C2CD4D: variants seen among roughly 807,000 people sequenced by gnomAD.
C2CD4D encodes the protein C2 calcium dependent domain containing 4D, also known as C2 calcium-dependent domain-containing protein 4D.
Under a neutral mutation model 0.2 loss-of-function variants are expected in C2CD4D, and 1 was observed. The ratio of observed to expected loss-of-function variants is 4.00; its 90% confidence interval spans 1.42 to 18.99. The LOEUF is 18.99. Ranked by LOEUF, C2CD4D falls within the 30% of genes most tolerant of loss-of-function variation. C2CD4D has a pLI of 0.11. For synonymous variants in C2CD4D, 269 were observed against 279.8 expected (o/e 0.96, Z 0.39); for missense variants, 552 against 551.2 (o/e 1.00, Z -0.01).
intron 1 of C2CD4D, among the ~76,000 whole-genome samples, 108 bp downstream of exon 1, chr1:151,839,556 C>T (rs10888439): frequency 0.24 from 35,977 of 152,102 alleles, 5,375 homozygotes; most frequent in Middle Eastern, 0.43. Context: ...CCAGGCTGCC[C>T]CGGCTCAAGC....
chr1:151,838,442 G>C (rs975389352), exon 2 of C2CD4D: 14 of 1,415,018 alleles, frequency 9.9e-6, no homozygotes, highest in African/African-American at 3.0e-5. Context: ...GCGGCGCGGC[G>C]AGTGCGGGCT....
At chr1:151,838,858 G>A in exon 2 of C2CD4D, 1 of 1,536,474 alleles carries the variant, frequency 6.5e-7, no homozygotes, top group Non-Finnish European at 8.8e-7. Context: ...TGCGATCCGG[G>A]GTGAGGACGT....
chr1:151,838,894 C>T (rs1397873755), exon 2 of C2CD4D: 25 of 1,546,424 alleles, frequency 1.6e-5, no homozygotes, highest in South Asian at 3.6e-5. Flanking sequence ...TGGGCGGGCC[C>T]GGGGCGCGAC....
At position 151,838,425 on chromosome 1, in the gene C2CD4D, GC is replaced by G; in HGVS notation, c.564del (p.Pro189ArgfsTer50). 1 of 1,423,254 alleles carries G rather than the reference GC, an allele frequency of 7.0e-7. No homozygotes were observed. Among genetic ancestry groups the G allele is most frequent in the Non-Finnish European group, 9.2e-7 (1 of 1,091,744 alleles). 88.2% of individuals were successfully genotyped at this position (1,423,254 alleles called of 1,614,324 possible). ...AGGTGGAAGAGCGGCGGCGTGGGCG[GC>G]CCGGCGCGGCGCGGCGAGTGCGGGC... On this transcript the variant is annotated frameshift_variant, in exon 2 of 2. Coordinates refer to ENST00000454109, the Ensembl canonical transcript of C2CD4D. LOFTEE classifies it low-confidence loss of function (END_TRUNC).
At chr1:151,838,829 G>A in exon 2 of C2CD4D, 1 of 1,460,470 alleles carries the variant, frequency 6.8e-7, no homozygotes, top group Non-Finnish European at 9.0e-7. Flanking sequence ...GAGCCGAGGC[G>A]GGATGAAGAA....
chr1:151,838,775 G>A, exon 2 of C2CD4D: 2 of 1,346,746 alleles, frequency 1.5e-6, no homozygotes, highest in Non-Finnish European at 1.9e-6. Context: ...GCCGCGCCCC[G>A]CCACGTGCCG....
chr1:151,838,915 C>A, exon 2 of C2CD4D: 1 of 1,549,096 alleles, frequency 6.5e-7, no homozygotes, highest in Non-Finnish European at 8.7e-7. Flanking sequence ...GCTTGGAGAA[C>A]AGGCCGGAAG....
At chr1:151,838,683 G>A in exon 2 of C2CD4D, 1 of 1,372,778 alleles carries the variant, frequency 7.3e-7, no homozygotes. Flanking sequence ...AGGGATTCCC[G>A]CCGGCGCGTG....
chr1:151,838,733 G>A (rs1291003532), exon 2 of C2CD4D: 7 of 1,332,562 alleles, frequency 5.3e-6, no homozygotes, highest in Non-Finnish European at 6.7e-6. Flanking sequence ...TTCGCGGCCC[G>A]CCAGGTGAGG....
intron 1 of C2CD4D, among the ~76,000 whole-genome samples, 45 bp downstream of exon 1, chr1:151,839,616 GCTC>G (rs1248064971): frequency 1.3e-5 from 2 of 151,962 alleles, no homozygotes; most frequent in Non-Finnish European, 2.9e-5. Flanking sequence ...GCCTCCTCTG[GCTC>G]CTCCTTCCCC....
At chr1:151,838,649 G>T (rs1045827719) in exon 2 of C2CD4D, 2 of 1,344,806 alleles carry the variant, frequency 1.5e-6, no homozygotes, top group Non-Finnish European at 1.9e-6. Context: ...TCCCCCGGCC[G>T]GGGCAGGTGG....
At chr1:151,839,339 A>C in intron 1 of C2CD4D, 119 bp from the exon 2 acceptor site, 1 of 321,642 alleles carries the variant, frequency 3.1e-6, no homozygotes, top group African/African-American at 2.2e-5. Flanking sequence ...CCTTACAGTT[A>C]GAGGGCCCAT....
At chr1:151,838,810 C>G (rs1242263027) in exon 2 of C2CD4D, 1 of 1,412,484 alleles carries the variant, frequency 7.1e-7, no homozygotes, top group East Asian at 3.0e-5. Flanking sequence ...CTGCGCCGCC[C>G]GGGTCCGGGA....
At chr1:151,838,978 C>G (rs1334568061) in exon 2 of C2CD4D, 1 of 1,550,222 alleles carries the variant, frequency 6.5e-7, no homozygotes, top group African/African-American at 1.4e-5. Flanking sequence ...CAGCTTTTTC[C>G]AAGAGCCACA....
chr1:151,838,774 C>T (rs1652674906), exon 2 of C2CD4D: 3 of 1,345,676 alleles, frequency 2.2e-6, no homozygotes, highest in Admixed American at 4.1e-5. Context: ...GGCCGCGCCC[C>T]GCCACGTGCC....
In C2CD4D at chr1:151,839,236, G is replaced by A. The variant is rs1652705101; in HGVS notation, c.-231-16C>T. On this transcript the variant is annotated splice_polypyrimidine_tract_variant and intron_variant, in intron 1 of 1. Coordinates refer to ENST00000454109, the Ensembl canonical transcript of C2CD4D. ...GTCTGGGGGGCTGGGGAGAAATGGA[G>A]GGAGCAAAGGGCCAGTCAGTCACAT... 6 of 531,692 alleles carry A rather than the reference G, an allele frequency of 1.1e-5. No homozygotes were observed. The South Asian group carries it at 1.1e-4, about 10-fold the overall frequency. The allele number at this position is 531,692 out of a possible 1,614,324, so 32.9% of individuals were successfully genotyped here.
exon 2 of C2CD4D, chr1:151,838,563 C>T: frequency 7.6e-7 from 1 of 1,317,712 alleles, no homozygotes; most frequent in Non-Finnish European, 9.6e-7. Context: ...GGCGACGAGG[C>T]CGTGTCGCTG....
rs769007185 is a variant in C2CD4D at position 151,838,776 on chromosome 1, C to T, written c.214G>A (p.Ala72Thr). Reference sequence around the variant, plus strand: ...CAGGTCGCGGGGAGGCCGCGCCCCGCCACGTGCCGCCGGGCCGCGGGCACT... The same window carrying T: ...CAGGTCGCGGGGAGGCCGCGCCCCGTCACGTGCCGCCGGGCCGCGGGCACT... The change falls in exon 2 of 2, where the codon GCG becomes ACG. Residue 72 changes from alanine to threonine, a missense_variant. By Grantham distance (58) the Ala-to-Thr change is moderately conservative (BLOSUM62 0). Coordinates refer to ENST00000454109, the Ensembl canonical transcript of C2CD4D. 12 of 1,347,618 alleles carry T rather than the reference C, an allele frequency of 8.9e-6. No individual in the cohort carries two copies. The highest frequency in any genetic ancestry group is 1.1e-5 in the Non-Finnish European group (12 of 1,053,664). The allele number at this position is 1,347,618 out of a possible 1,614,324, so 83.5% of individuals were successfully genotyped here.
chr1:151,839,796 C>T (rs1652729926), intron 1 of C2CD4D, among the ~76,000 whole-genome samples: 1 of 152,242 alleles, frequency 6.6e-6, no homozygotes, highest in Non-Finnish European at 1.5e-5. Context: ...TCCCGCGCCT[C>T]CCAGCCCTAC....
Sources: allele counts gnomAD v4.1 joint callset (sites outside exome capture counted in the v4.1 genomes callset), GRCh38; gene constraint gnomAD v4.1.1; transcripts MANE v1.5; gene names NCBI Gene and HGNC (gene_info 2026-07-23, HGNC 2026-07-21).